The following GSDMC variants were observed in gnomAD, a reference collection of about 807,000 sequenced individuals.
GSDMC encodes the protein gasdermin C.
In GSDMC, 59 loss-of-function variants were observed where a neutral mutation model predicts 58.0. The ratio of observed to expected loss-of-function variants is 1.02; its 90% CI spans 0.82 to 1.26. GSDMC has a LOEUF of 1.26. Among genes scored for constraint, GSDMC ranks in the 50% most tolerant of loss-of-function variants. GSDMC has a pLI of 0.00. For synonymous variants in GSDMC, 241 were observed against 220.2 expected (o/e 1.09, Z -0.83); for missense variants, 659 against 598.5 (o/e 1.10, Z -1.06).
intron 4 of GSDMC, among the ~76,000 whole-genome samples, chr8:129,764,851 T>C (rs1304201878): frequency 6.6e-6 from 1 of 152,218 alleles, no homozygotes; most frequent in East Asian, 1.9e-4. Flanking sequence ...CTGAACCTTT[T>C]GGGGGTTCTT....
chr8:129,752,999 T>C (rs1355247537), intron 6 of GSDMC, 179 bp from the exon 7 acceptor site: 1 of 1,165,814 alleles, frequency 8.6e-7, no homozygotes, highest in African/African-American at 1.6e-5. Flanking sequence ...CTCAAGTTTC[T>C]TGGCAAGCCT....
Position 129,777,372 on chromosome 8 carries a change from G to A in GSDMC, c.216C>T (p.Val72=), listed in dbSNP as rs1222587472. 5 of 1,599,904 alleles carry A rather than the reference G, an allele frequency of 3.1e-6. No individual in the cohort carries two copies. Among genetic ancestry groups the A allele is most frequent in the Admixed American group, 3.3e-5 (2 of 59,960 alleles). Residue 72 remains valine (V), a synonymous_variant, in exon 2 of 14, where the codon GTC becomes GTT. Coordinates refer to ENST00000276708, the MANE Select transcript of GSDMC (RefSeq NM_031415.3). ...LNDILEPSSS[V]LETVVTGPFH... ...TTGGCCTCTGGCTGACAATACCTAGGACTGAAGAACTTGGCTCCAGGATGT... is the reference window on the plus strand; with the variant it reads ...TTGGCCTCTGGCTGACAATACCTAGAACTGAAGAACTTGGCTCCAGGATGT...
chr8:129,724,366 G>C, the GSDMC span, among the ~76,000 whole-genome samples: 1 of 152,032 alleles, frequency 6.6e-6, no homozygotes, highest in African/African-American at 2.4e-5. Flanking sequence ...TTACGTTTTG[G>C]GGGTGATTTG....
the GSDMC span, among the ~76,000 whole-genome samples, chr8:129,706,053 T>A: frequency 6.6e-6 from 1 of 152,138 alleles, no homozygotes; most frequent in African/African-American, 2.4e-5. Context: ...TAAAAATAAA[T>A]TTAAAGATAG....
chr8:129,770,674 C>T (rs548064342), intron 3 of GSDMC, among the ~76,000 whole-genome samples: 1 of 151,830 alleles, frequency 6.6e-6, no homozygotes, highest in East Asian at 1.9e-4. Context: ...AATCATACTA[C>T]CACAAAAAGT....
the GSDMC span, among the ~76,000 whole-genome samples, chr8:129,737,073 C>G: frequency 6.6e-6 from 1 of 152,104 alleles, no homozygotes; most frequent in African/African-American, 2.4e-5. Context: ...CCTAGGAATC[C>G]AACTTACAAG....
intron 2 of GSDMC, among the ~76,000 whole-genome samples, chr8:129,776,813 T>A (rs1586616372): frequency 6.6e-6 from 1 of 152,122 alleles, no homozygotes; most frequent in African/African-American, 2.4e-5. Context: ...CAGGCTGGAG[T>A]GCATTGGTGC....
At chr8:129,770,236 T>C (rs1302759540) in intron 3 of GSDMC, among the ~76,000 whole-genome samples, 1 of 152,198 alleles carries the variant, frequency 6.6e-6, no homozygotes, top group Non-Finnish European at 1.5e-5. Context: ...GACTCATGCC[T>C]ATAATCTCAG....
At chr8:129,712,686 A>G in the GSDMC span, among the ~76,000 whole-genome samples, 1 of 152,208 alleles carries the variant, frequency 6.6e-6, no homozygotes, top group Non-Finnish European at 1.5e-5. Flanking sequence ...AGACTAAGGG[A>G]GAGATAGGTG....
the GSDMC span, among the ~76,000 whole-genome samples, chr8:129,731,654 T>G: frequency 6.6e-6 from 1 of 152,274 alleles, no homozygotes; most frequent in East Asian, 1.9e-4. Context: ...TCTTCAGCCC[T>G]TCAACTGACT....
chr8:129,733,308 G>A, the GSDMC span, among the ~76,000 whole-genome samples: 1 of 152,262 alleles, frequency 6.6e-6, no homozygotes, highest in African/African-American at 2.4e-5. Context: ...TAACAGAGCA[G>A]TGGTTCTCCC....
rs2033716022 is a variant in GSDMC at position 129,762,733 on chromosome 8, T to A, written c.571-2A>T. The A allele has an allele frequency of 6.3e-7, 1 of 1,599,550 alleles. No homozygotes were observed. Among genetic ancestry groups the A allele is most frequent in the Non-Finnish European group, 8.6e-7 (1 of 1,166,634 alleles). On this transcript the variant is annotated splice_acceptor_variant, in intron 4 of 13. Transcript: ENST00000276708. LOFTEE classifies it high-confidence loss of function. The stretch of plus-strand genomic sequence containing the variant: ...GAGACTCTCTCCTTGGCCTTGACCC[T>A]GGGGAGAGAAACCAGACAATACAGT...
chr8:129,758,203 G>C (rs2033517279), intron 6 of GSDMC, among the ~76,000 whole-genome samples: 1 of 152,160 alleles, frequency 6.6e-6, no homozygotes. Flanking sequence ...ACCAGGTATA[G>C]AAGAAAGATA....
At chr8:129,727,813 C>T in the GSDMC span, among the ~76,000 whole-genome samples, 2 of 152,152 alleles carry the variant, frequency 1.3e-5, no homozygotes, top group Admixed American at 6.5e-5. Flanking sequence ...AGTGCCTCAG[C>T]AGTAGGTGCT....
At chr8:129,717,878 A>C in the GSDMC span, among the ~76,000 whole-genome samples, 2 of 152,286 alleles carry the variant, frequency 1.3e-5, no homozygotes, top group Non-Finnish European at 2.9e-5. Context: ...ACACATCTGC[A>C]ACAATCTGAT....
At chr8:129,772,301 A>C (rs1342650103) in intron 3 of GSDMC, among the ~76,000 whole-genome samples, 1 of 151,778 alleles carries the variant, frequency 6.6e-6, no homozygotes, top group African/African-American at 2.4e-5. Flanking sequence ...AATAAATTAA[A>C]TGGAAAATAG....
intron 9 of GSDMC, 96 bp from the exon 10 acceptor site, chr8:129,751,664 C>A (rs1386930925): frequency 1.6e-6 from 2 of 1,226,616 alleles, no homozygotes; most frequent in African/African-American, 1.5e-5. Context: ...CACCTCCTCC[C>A]TCTTACTCAA....
the GSDMC span, among the ~76,000 whole-genome samples, chr8:129,726,765 T>TCCC: frequency 3.8e-5 from 4 of 106,082 alleles, no homozygotes; most frequent in South Asian, 3.8e-4. Flanking sequence ...ATCCAGTCCC[T>TCCC]CCCCCCACCC....
the GSDMC span, chr8:129,707,190 G>T: frequency 1.4e-5 from 2 of 138,274 alleles, no homozygotes; most frequent in South Asian, 2.3e-4. Flanking sequence ...AGCCTGGATA[G>T]AAAAAAAAAA....
Sources: gnomAD v4.1 joint callset for allele counts (sites outside exome capture counted in the v4.1 genomes callset) on GRCh38, gnomAD v4.1.1 for gene constraint, MANE v1.5 for transcripts, NCBI Gene and HGNC (gene_info 2026-07-23, HGNC 2026-07-21) for gene names.